Variants in YWHAH observed in about 807,000 individuals in gnomAD.
The protein encoded by YWHAH is tyrosine 3-monooxygenase/tryptophan 5-monooxygenase activation protein eta, also known as 14-3-3 protein eta.
YWHAH carries 6 observed loss-of-function variants against 22.9 expected under a neutral mutation model. The observed-to-expected ratio is 0.26, with a 90% CI of 0.14 to 0.52. YWHAH has a LOEUF of 0.52. Ranked by LOEUF, YWHAH falls within the 20% of genes least tolerant of loss-of-function variation. The probability of loss-of-function intolerance (pLI) is 0.97; values close to 1 mark genes in which losing one functional copy is unlikely to be tolerated. For synonymous variants in YWHAH, 135 were observed against 124.5 expected (o/e 1.08, Z -0.56); for missense variants, 173 against 308.6 (o/e 0.56, Z 3.29).
chr22:31,948,262 GCAA>G (rs1341957902), intron 1 of YWHAH, among the ~76,000 whole-genome samples: 1 of 152,186 alleles, frequency 6.6e-6, no homozygotes, highest in African/African-American at 2.4e-5. Context: ...GGCTGTTGTT[GCAA>G]CAACTGTGAG....
intron 1 of YWHAH, among the ~76,000 whole-genome samples, chr22:31,948,845 A>G (rs1354524209): frequency 6.6e-6 from 1 of 152,246 alleles, no homozygotes; most frequent in Non-Finnish European, 1.5e-5. Flanking sequence ...CAGGTGGGCA[A>G]ACAGCTTACG....
chr22:31,950,771 TTGCCCAGTGGCC>T (rs2093842256), intron 1 of YWHAH, among the ~76,000 whole-genome samples: 1 of 152,202 alleles, frequency 6.6e-6, no homozygotes, highest in Non-Finnish European at 1.5e-5. Context: ...GGTGATGTTC[TTGCCCAGTGGCC>T]TGTAGGACTT....
At position 31,944,545 on chromosome 22, in the gene YWHAH, G is replaced by A; in HGVS notation, c.-189G>A. ...TCCGCGGCGCGAGCCACAGCGCGCG[G>A]GGCGAGCCAGCGAGAGGGCGCGAGC... On this transcript the variant is annotated 5_prime_UTR_variant, in exon 1 of 2. Transcript: ENST00000248975. 1 of 222,888 alleles carries A rather than the reference G, an allele frequency of 4.5e-6. No homozygotes were observed. Among genetic ancestry groups the A allele is most frequent in the Non-Finnish European group, 8.0e-6 (1 of 125,502 alleles). 13.8% of individuals were successfully genotyped at this position (222,888 alleles called of 1,614,324 possible). A position where few individuals can be genotyped will look rare whatever the true frequency, so the allele number is the denominator to read the frequency against.
intron 1 of YWHAH, among the ~76,000 whole-genome samples, chr22:31,949,726 G>A (rs1239256815): frequency 6.6e-6 from 1 of 152,134 alleles, no homozygotes; most frequent in Non-Finnish European, 1.5e-5. Flanking sequence ...GACTTTCAGA[G>A]GTTGATTTTC....
chr22:31,950,342 A>G, intron 1 of YWHAH: 2 of 779,284 alleles, frequency 2.6e-6, no homozygotes, highest in Non-Finnish European at 4.8e-6. Flanking sequence ...GTCCAAGTGG[A>G]GGCAGCTTGT....
At chr22:31,952,447 C>T (rs1377013453) in intron 1 of YWHAH, among the ~76,000 whole-genome samples, 1 of 152,182 alleles carries the variant, frequency 6.6e-6, no homozygotes, top group Non-Finnish European at 1.5e-5. Context: ...CTGGGAAAAA[C>T]TCAGTTTTCT....
At position 31,944,651 on chromosome 22, in the gene YWHAH, A is replaced by C; in HGVS notation, c.-83A>C. The C allele has an allele frequency of 9.1e-7, 1 of 1,094,582 alleles. No homozygotes were observed. The highest frequency in any genetic ancestry group is 1.1e-6 in the Non-Finnish European group (1 of 878,430). The allele number at this position is 1,094,582 out of a possible 1,614,324, so 67.8% of individuals were successfully genotyped here. ...GCGCGTGCGCGGCGGCGGCCTCCGC[A>C]GCGACCGGGGAGCGGACTGACCGGC... On this transcript the variant is annotated 5_prime_UTR_variant, in exon 1 of 2. Transcript: ENST00000248975.
At chr22:31,945,416 C>T in intron 1 of YWHAH, 14 of 1,300,082 alleles carry the variant, frequency 1.1e-5, no homozygotes, top group South Asian at 4.9e-5. Flanking sequence ...GGAGAGTGGG[C>T]GGAGGGTGTG....
chr22:31,945,038 G>T, intron 1 of YWHAH: 1 of 1,119,728 alleles, frequency 8.9e-7, no homozygotes, highest in Non-Finnish European at 1.1e-6. Context: ...GGAGGGTGCA[G>T]TTCGGGATCG....
intron 1 of YWHAH, chr22:31,947,512 C>T (rs2149466664): frequency 4.2e-6 from 2 of 471,158 alleles, no homozygotes; most frequent in South Asian, 3.1e-5. Context: ...ATCGTGCATA[C>T]TGGAAACAAT....
chr22:31,955,796 T>C (rs2093848913), intron 1 of YWHAH, among the ~76,000 whole-genome samples: 1 of 152,176 alleles, frequency 6.6e-6, no homozygotes, highest in African/African-American at 2.4e-5. Flanking sequence ...TTCTTCACCA[T>C]TATGTACTGC....
chr22:31,946,166 G>C (rs912628975), intron 1 of YWHAH, among the ~76,000 whole-genome samples: 1 of 152,124 alleles, frequency 6.6e-6, no homozygotes, highest in Admixed American at 6.6e-5. Flanking sequence ...ACCGTTGCCC[G>C]TATGTTGATT....
intron 1 of YWHAH, among the ~76,000 whole-genome samples, chr22:31,950,666 T>A (rs903599599): frequency 6.6e-6 from 1 of 152,210 alleles, no homozygotes; most frequent in Admixed American, 6.5e-5. Flanking sequence ...TTACCCGAAC[T>A]TGCCTGCTCT....
At chr22:31,950,420 G>A (rs1293437936) in intron 1 of YWHAH, 1 of 779,312 alleles carries the variant, frequency 1.3e-6, no homozygotes. Context: ...CCCTTCTGCG[G>A]TGGTGAGTGT....
At position 31,946,628 on chromosome 22, in the gene YWHAH, C is replaced by T. The variant is rs181160087; in HGVS notation, c.87+1808C>T. On this transcript the variant is annotated intron_variant, in intron 1 of 1. Coordinates refer to ENST00000248975, the MANE Select transcript of YWHAH (RefSeq NM_003405.4). ...GGAAATGGAGGTTAAGGAAAAATGG[C>T]TAGAAGGTGTGTTCTGGAACAATCA... Among the ~76,000 whole-genome samples, 31 of 152,238 alleles carry T rather than the reference C, an allele frequency of 2.0e-4. No homozygotes were observed. In the East Asian group the frequency reaches 4.4e-3, roughly 22 times the overall value.
At chr22:31,952,248 C>T (rs1311970323) in intron 1 of YWHAH, among the ~76,000 whole-genome samples, 3 of 152,234 alleles carry the variant, frequency 2.0e-5, no homozygotes, top group Admixed American at 6.5e-5. Flanking sequence ...ATCCATTACT[C>T]TGTGTTGCCA....
rs1603047548 is a variant in YWHAH, at chr22:31,944,665, G to T, written c.-69G>T. 2 of 1,212,120 alleles carry T rather than the reference G, an allele frequency of 1.7e-6. No individual in the cohort carries two copies. Among genetic ancestry groups the T allele is most frequent in the Non-Finnish European group, 2.1e-6 (2 of 957,842 alleles). The allele number at this position is 1,212,120 out of a possible 1,614,324, so 75.1% of individuals were successfully genotyped here. A position where few individuals can be genotyped will look rare whatever the true frequency, so the allele number is the denominator to read the frequency against. ...GCGGCCTCCGCAGCGACCGGGGAGC[G>T]GACTGACCGGCGGGAGGGCTAGCGA... On this transcript the variant is annotated 5_prime_UTR_variant, in exon 1 of 2. Transcript: ENST00000248975.
intron 1 of YWHAH, among the ~76,000 whole-genome samples, chr22:31,949,791 G>C (rs2093840489): frequency 6.6e-6 from 1 of 152,168 alleles, no homozygotes; most frequent in Non-Finnish European, 1.5e-5. Context: ...CAAATTTAGA[G>C]CTCTCATTTT....
In YWHAH at chr22:31,956,451, T is replaced by A; in HGVS notation, c.400T>A (p.Leu134Ile). The A allele has an allele frequency of 6.2e-7, 1 of 1,614,184 alleles. No individual in the cohort carries two copies. The highest frequency in any genetic ancestry group is 8.5e-7 in the Non-Finnish European group (1 of 1,180,028). ...LKMKGDYYRY[L>I]AEVASGEKKN... ...AATGAAGGGTGATTACTACCGCTAC[T>A]TAGCAGAGGTCGCTTCTGGGGAGAA... The change falls in exon 2 of 2, where the codon TTA becomes ATA. Residue 134 changes from leucine (L) to isoleucine (I), a missense_variant. Coordinates refer to ENST00000248975, the MANE Select transcript of YWHAH (RefSeq NM_003405.4). This position sits in a 1 kb window ranked among gnomAD's most constrained non-coding sequence, Gnocchi z 5.1.
Sources: allele counts gnomAD v4.1 joint callset (sites outside exome capture counted in the v4.1 genomes callset), GRCh38; gene constraint gnomAD v4.1.1; non-coding constraint Gnocchi (gnomAD v3.1); transcripts MANE v1.5; gene names NCBI Gene and HGNC (gene_info 2026-07-23, HGNC 2026-07-21).